Variants in PHTF2 observed in about 807,000 individuals in gnomAD.
PHTF2 encodes putative homeodomain transcription factor 2.
Under a neutral mutation model 101.2 loss-of-function variants are expected in PHTF2, and 60 were observed. That is an observed-to-expected ratio of 0.59 (90% confidence interval 0.48 to 0.73). The LOEUF is 0.73. Among genes scored for constraint, PHTF2 ranks in the 30% least tolerant of loss-of-function variants. The probability of loss-of-function intolerance (pLI) is 0.00; values close to 1 mark genes in which losing one functional copy is unlikely to be tolerated. For synonymous variants in PHTF2, 311 were observed against 307.3 expected (o/e 1.01, Z -0.13); for missense variants, 747 against 908.7 (o/e 0.82, Z 2.29).
intron 3 of PHTF2, among the ~76,000 whole-genome samples, chr7:77,865,462 T>C (rs1391844897): frequency 6.6e-6 from 1 of 152,072 alleles, no homozygotes; most frequent in Non-Finnish European, 1.5e-5. Context: ...CCTGACCTCA[T>C]GTTCCACCCA....
At chr7:77,830,999 AC>A (rs1165310201) in intron 1 of PHTF2, among the ~76,000 whole-genome samples, 1 of 152,252 alleles carries the variant, frequency 6.6e-6, no homozygotes, top group Non-Finnish European at 1.5e-5. Context: ...CAATGATGAG[AC>A]AGCAGAAGAC....
rs71082798 is a variant in PHTF2, at chr7:77,947,837, CT to C, written c.1960-1823del. ...TTATTTTCTTTTTTCTTTTTTCTTT[CT>C]TTTTTTTTTTTTTTTTTGAGACAGA... is the stretch of plus-strand genomic sequence containing the variant. On this transcript the variant is annotated intron_variant, in intron 16 of 19. Coordinates refer to ENST00000416283, the Ensembl canonical transcript of PHTF2. Among the ~76,000 whole-genome samples the C allele has an allele frequency of 6.6e-4, 49 of 73,804 alleles. 4 individuals carry two copies. Among genetic ancestry groups the C allele is most frequent in the Middle Eastern group, 0.014 (1 of 74 alleles). 48.4% of individuals were successfully genotyped at this position (73,804 alleles called of 152,430 possible).
At chr7:77,896,604 T>C (rs1251392851) in intron 5 of PHTF2, among the ~76,000 whole-genome samples, 1 of 152,158 alleles carries the variant, frequency 6.6e-6, no homozygotes, top group Non-Finnish European at 1.5e-5. Context: ...TCCCTACTCT[T>C]GTTATTTTTA....
At chr7:77,804,748 T>A (rs574059268) in intron 1 of PHTF2, among the ~76,000 whole-genome samples, 1 of 152,232 alleles carries the variant, frequency 6.6e-6, no homozygotes, top group Non-Finnish European at 1.5e-5. Context: ...ATATCTATCT[T>A]TCAATCATGC....
exon 12 of PHTF2, chr7:77,929,311 A>C: frequency 1.3e-6 from 2 of 1,590,094 alleles, no homozygotes; most frequent in Non-Finnish European, 1.7e-6. Context: ...GAATATAGAG[A>C]TGACCCTTTT....
intron 1 of PHTF2, among the ~76,000 whole-genome samples, chr7:77,821,931 C>G (rs1794326016): frequency 6.6e-6 from 1 of 152,136 alleles, no homozygotes; most frequent in South Asian, 2.1e-4. Context: ...AGGGACAGGA[C>G]TGTTTCTTAG....
At chr7:77,862,619 T>C (rs1336919437) in intron 3 of PHTF2, among the ~76,000 whole-genome samples, 2 of 152,226 alleles carry the variant, frequency 1.3e-5, no homozygotes, top group Non-Finnish European at 1.5e-5. Context: ...TAAAGCTTCT[T>C]ATACCTGTGG....
At chr7:77,900,574 A>G in intron 5 of PHTF2, 137 bp from the exon 5 acceptor site, 1 of 645,970 alleles carries the variant, frequency 1.5e-6, no homozygotes. Flanking sequence ...TTCTGTTTGT[A>G]ACAAATGCAT....
intron 4 of PHTF2, 99 bp downstream of exon 3, chr7:77,893,763 A>G: frequency 1.6e-6 from 1 of 625,218 alleles, no homozygotes; most frequent in Non-Finnish European, 2.8e-6. Context: ...TAAGATATAA[A>G]TTACTATTCT....
intron 9 of PHTF2, among the ~76,000 whole-genome samples, chr7:77,918,320 G>A (rs1322863010): frequency 5.3e-5 from 8 of 151,892 alleles, no homozygotes; most frequent in Non-Finnish European, 1.0e-4. Flanking sequence ...CATGTTTTCA[G>A]TTGCCTACTA....
rs143861008 is a variant in PHTF2 at position 77,919,128 on chromosome 7, T to TA, written c.777-1149dup. On this transcript the variant is annotated intron_variant, in intron 9 of 19. Coordinates refer to ENST00000416283, the Ensembl canonical transcript of PHTF2. ...TGTACTCTAGTGCGAGCTTTGCTTC[T>TA]AACTGACTGCATGACCTTAAATAAG... is the stretch of plus-strand genomic sequence containing the variant. Among the ~76,000 whole-genome samples the TA allele has an allele frequency of 7.7e-3, 1,180 of 152,340 alleles. 21 individuals are homozygous for TA. Among genetic ancestry groups the TA allele is most frequent in the African/African-American group, 0.027 (1,142 of 41,572 alleles).
At chr7:77,855,910 G>A (rs1031696231) in intron 3 of PHTF2, among the ~76,000 whole-genome samples, 4 of 152,194 alleles carry the variant, frequency 2.6e-5, no homozygotes, top group African/African-American at 9.7e-5. Flanking sequence ...CCTTTTCAGT[G>A]TGTCTTTCCT....
chr7:77,916,890 A>G (rs886134626), intron 9 of PHTF2, among the ~76,000 whole-genome samples: 15 of 152,142 alleles, frequency 9.9e-5, no homozygotes, highest in African/African-American at 2.4e-4. Flanking sequence ...TGCATTTTCA[A>G]TTTGAGGTTG....
At chr7:77,807,892 G>T (rs1350495594) in intron 1 of PHTF2, among the ~76,000 whole-genome samples, 1 of 152,052 alleles carries the variant, frequency 6.6e-6, no homozygotes, top group African/African-American at 2.4e-5. Flanking sequence ...GTAAGATAAA[G>T]GTCCACCTTC....
intron 9 of PHTF2, among the ~76,000 whole-genome samples, chr7:77,912,868 G>A (rs1802540278): frequency 6.6e-6 from 1 of 151,150 alleles, no homozygotes; most frequent in African/African-American, 2.4e-5. Context: ...AAGTAGCTGG[G>A]ACTATAGGCA....
intron 1 of PHTF2, among the ~76,000 whole-genome samples, chr7:77,809,532 C>T (rs1020954212): frequency 7.9e-5 from 12 of 152,122 alleles, no homozygotes; most frequent in Middle Eastern, 3.4e-3. Context: ...CAGCCATAAA[C>T]CCAATTCTTA....
chr7:77,937,625 T>G (rs1468824262), intron 12 of PHTF2, 85 bp from the exon 12 acceptor site: 2 of 427,536 alleles, frequency 4.7e-6, no homozygotes, highest in Non-Finnish European at 8.0e-6. Flanking sequence ...TGTGTGTATA[T>G]AGAGATATAT....
intron 3 of PHTF2, among the ~76,000 whole-genome samples, chr7:77,856,898 C>T (rs1166834472): frequency 6.6e-6 from 1 of 152,108 alleles, no homozygotes; most frequent in Non-Finnish European, 1.5e-5. Flanking sequence ...TAATCCCCCA[C>T]AGATACTGAG....
intron 3 of PHTF2, among the ~76,000 whole-genome samples, chr7:77,856,054 C>T (rs1446551872): frequency 1.3e-5 from 2 of 152,160 alleles, no homozygotes; most frequent in African/African-American, 4.8e-5. Context: ...ATTTGACCAT[C>T]TTGCTCCAAT....
Sources: gnomAD v4.1 joint callset for allele counts (sites outside exome capture counted in the v4.1 genomes callset) on GRCh38, gnomAD v4.1.1 for gene constraint, MANE v1.5 for transcripts, NCBI Gene and HGNC (gene_info 2026-07-23, HGNC 2026-07-21) for gene names.